Variants in SYNDIG1 observed in about 807,000 individuals in gnomAD.
SYNDIG1 encodes the protein synapse differentiation inducing 1.
A neutral mutation model predicts 19.4 loss-of-function variants in SYNDIG1; 9 were observed. That is an observed-to-expected ratio of 0.46 (90% confidence interval 0.28 to 0.81). The LOEUF (loss-of-function observed/expected upper bound fraction) is 0.81. Among genes scored for constraint, SYNDIG1 ranks in the 30% least tolerant of loss-of-function variants. The probability of loss-of-function intolerance (pLI) is 0.12; values close to 1 mark genes in which losing one functional copy is unlikely to be tolerated. For synonymous variants in SYNDIG1, 141 were observed against 145.9 expected (o/e 0.97, Z 0.24); for missense variants, 311 against 343.3 (o/e 0.91, Z 0.74).
chr20:24,607,660 AG>A (rs538059493), intron 3 of SYNDIG1, among the ~76,000 whole-genome samples: 85 of 152,358 alleles, frequency 5.6e-4, no homozygotes, highest in Middle Eastern at 3.4e-3. Flanking sequence ...CGAAATTCAC[AG>A]GCAGCTGTGG....
chr20:24,471,469 C>T (rs1181941265), intron 1 of SYNDIG1, among the ~76,000 whole-genome samples: 6 of 151,684 alleles, frequency 4.0e-5, no homozygotes, highest in Non-Finnish European at 1.5e-5. Flanking sequence ...CCCCTTAATT[C>T]CTCCCTCCCC....
chr20:24,579,809 T>C (rs894661266), intron 2 of SYNDIG1, among the ~76,000 whole-genome samples: 5 of 152,202 alleles, frequency 3.3e-5, no homozygotes, highest in African/African-American at 1.2e-4. Context: ...CCATGGGTGG[T>C]GTTCAGCTTC....
intron 2 of SYNDIG1, among the ~76,000 whole-genome samples, chr20:24,550,727 G>T (rs2057690505): frequency 1.3e-5 from 2 of 152,058 alleles, no homozygotes; most frequent in Admixed American, 1.3e-4. Flanking sequence ...AGCCAGGATG[G>T]TCTCGATCTC....
chr20:24,630,280 CT>C (rs1345661971), intron 3 of SYNDIG1, among the ~76,000 whole-genome samples: 5 of 152,192 alleles, frequency 3.3e-5, no homozygotes, highest in Non-Finnish European at 7.3e-5. Flanking sequence ...GCTGAGACCC[CT>C]GGGGATTGAC....
intron 3 of SYNDIG1, among the ~76,000 whole-genome samples, chr20:24,643,560 C>G (rs552592877): frequency 6.6e-6 from 1 of 152,350 alleles, no homozygotes; most frequent in East Asian, 1.9e-4. Context: ...GCAGTCTCCA[C>G]TCGTTTCCAG....
chr20:24,543,035 T>C lies in SYNDIG1; in HGVS notation c.-63T>C. 6.4e-7 allele frequency: 1 copy of C among 1,560,768 alleles called. No individual in the cohort carries two copies. The highest frequency in any genetic ancestry group is 8.7e-7 in the Non-Finnish European group (1 of 1,151,078). ...CCTCCTCCAGGAGAAATGGCTTCCC[T>C]GAGGCAAGTGTAACCTACATTCCCA... On this transcript the variant is annotated 5_prime_UTR_variant, in exon 2 of 4. Transcript: ENST00000376862.
rs2059646715 is a variant in SYNDIG1, at chr20:24,666,310, C to T, written c.*806C>T. 1.3e-5 allele frequency: 2 copies of T among 152,660 alleles called. No individual in the cohort carries two copies. Among genetic ancestry groups the T allele is most frequent in the African/African-American group, 2.4e-5 (1 of 41,464 alleles). 9.5% of individuals were successfully genotyped at this position (152,660 alleles called of 1,614,324 possible). On this transcript the variant is annotated 3_prime_UTR_variant, in exon 4 of 4. Coordinates refer to ENST00000376862, the MANE Select transcript of SYNDIG1 (RefSeq NM_024893.3). ...CGAGGCACTGCAGCTATGGGCACTGCCTCAGCCTAAAGACACAGGGGCGCC... is the reference window on the plus strand; with the variant it reads ...CGAGGCACTGCAGCTATGGGCACTGTCTCAGCCTAAAGACACAGGGGCGCC...
At chr20:24,574,041 C>G (rs1164445704) in intron 2 of SYNDIG1, among the ~76,000 whole-genome samples, 1 of 152,198 alleles carries the variant, frequency 6.6e-6, no homozygotes, top group East Asian at 1.9e-4. Context: ...ACATCTTACA[C>G]TGATTTCCTC....
chr20:24,522,566 T>G (rs1328963368), intron 1 of SYNDIG1, among the ~76,000 whole-genome samples: 1 of 152,218 alleles, frequency 6.6e-6, no homozygotes, highest in Non-Finnish European at 1.5e-5. Context: ...CTTCCCTTGG[T>G]TACTGTTGTA....
rs1317988200 is a variant in SYNDIG1, at chr20:24,649,488, G to A, written c.619-15858G>A. Among the ~76,000 whole-genome samples, 3 of 152,142 alleles carry A rather than the reference G, an allele frequency of 2.0e-5. No individual in the cohort carries two copies. In the East Asian group the frequency reaches 5.8e-4, roughly 29 times the overall value. ...GCACACGTGTATCTATAAACTCAGG[G>A]CCCATACCTATAGTTAGCCTGACTT... On this transcript the variant is annotated intron_variant, in intron 3 of 3. Coordinates refer to ENST00000376862, the MANE Select transcript of SYNDIG1 (RefSeq NM_024893.3).
chr20:24,627,083 AGACCGTGGGGAGAGGGG>A lies in SYNDIG1; in HGVS notation c.619-38229_619-38213del, dbSNP rs1371089821. Among the ~76,000 whole-genome samples, 51 of 139,928 alleles carry A rather than the reference AGACCGTGGGGAGAGGGG, an allele frequency of 3.6e-4. No individual in the cohort carries two copies. In the East Asian group the frequency reaches 4.3e-3, roughly 12 times the overall value. 91.8% of individuals were successfully genotyped at this position (139,928 alleles called of 152,430 possible). A position where few individuals can be genotyped will look rare whatever the true frequency, so the allele number is the denominator to read the frequency against. Reference sequence around the variant, plus strand: ...AGACCGTGGAAAGAGAGGGAGAGGGAGACCGTGGGGAGAGGGGGACCGTGGGGAGAGGGGGACCGTGG... The same window carrying A: ...AGACCGTGGAAAGAGAGGGAGAGGGAGACCGTGGGGAGAGGGGGACCGTGG... On this transcript the variant is annotated intron_variant, in intron 3 of 3. Coordinates refer to ENST00000376862, the MANE Select transcript of SYNDIG1 (RefSeq NM_024893.3).
At chr20:24,516,570 CTCA>C (rs1196530197) in intron 1 of SYNDIG1, among the ~76,000 whole-genome samples, 1 of 152,194 alleles carries the variant, frequency 6.6e-6, no homozygotes, top group Non-Finnish European at 1.5e-5. Context: ...TGAAAAACTG[CTCA>C]TCATCACTGG....
At chr20:24,620,632 C>A (rs1463014262) in intron 3 of SYNDIG1, among the ~76,000 whole-genome samples, 1 of 152,130 alleles carries the variant, frequency 6.6e-6, no homozygotes, top group Non-Finnish European at 1.5e-5. Context: ...CTGGTCAAGG[C>A]ATTCATAGGA....
At chr20:24,650,904 C>T (rs1390744798) in intron 3 of SYNDIG1, among the ~76,000 whole-genome samples, 4 of 152,098 alleles carry the variant, frequency 2.6e-5, no homozygotes, top group Non-Finnish European at 4.4e-5. Flanking sequence ...GGTGCGATCT[C>T]GGCTCACTGC....
intron 1 of SYNDIG1, among the ~76,000 whole-genome samples, chr20:24,524,608 T>G (rs1017755005): frequency 2.6e-5 from 4 of 151,168 alleles, no homozygotes; most frequent in Non-Finnish European, 4.4e-5. Flanking sequence ...ATCGCGCCAC[T>G]GCACTCCAGC....
intron 3 of SYNDIG1, among the ~76,000 whole-genome samples, chr20:24,620,247 G>C (rs1173063931): frequency 6.6e-6 from 1 of 152,170 alleles, no homozygotes; most frequent in Non-Finnish European, 1.5e-5. Flanking sequence ...TTTTCATTAT[G>C]CTCATGATTT....
chr20:24,644,543 C>G (rs1381457705), intron 3 of SYNDIG1, among the ~76,000 whole-genome samples: 3 of 152,236 alleles, frequency 2.0e-5, no homozygotes, highest in African/African-American at 7.2e-5. Context: ...CTGCCTCACT[C>G]ACTGGGACAC....
intron 2 of SYNDIG1, among the ~76,000 whole-genome samples, chr20:24,564,555 A>G (rs1370355510): frequency 6.6e-6 from 1 of 151,984 alleles, no homozygotes; most frequent in Non-Finnish European, 1.5e-5. Flanking sequence ...AGATCTCCAA[A>G]ATAATAAAAA....
chr20:24,606,368 A>T (rs1004223614), intron 3 of SYNDIG1, among the ~76,000 whole-genome samples: 1 of 152,292 alleles, frequency 6.6e-6, no homozygotes, highest in East Asian at 1.9e-4. Flanking sequence ...ACTCATGAAC[A>T]ATTTTCTCTG....
Sources: allele counts gnomAD v4.1 joint callset (sites outside exome capture counted in the v4.1 genomes callset), GRCh38; gene constraint gnomAD v4.1.1; transcripts MANE v1.5; gene names NCBI Gene and HGNC (gene_info 2026-07-23, HGNC 2026-07-21).